JAK1: variants seen among roughly 807,000 people sequenced by gnomAD.
JAK1 encodes tyrosine-protein kinase JAK1.
Under a neutral mutation model 136.6 loss-of-function variants are expected in JAK1, and 16 were observed. That is an observed-to-expected ratio of 0.12 (90% CI 0.08 to 0.18). JAK1 has a LOEUF of 0.18. JAK1 is among the 10% of genes least tolerant of loss of function. The pLI, the probability that JAK1 is intolerant of heterozygous loss-of-function variation, is 1.00. For missense variants in JAK1, 859 were observed against 1,450.1 expected (o/e 0.59, Z 6.62); for synonymous variants, 492 against 519.5 (o/e 0.95, Z 0.72).
At chr1:64,927,716 T>C (rs1447289884) in intron 1 of JAK1, among the ~76,000 whole-genome samples, 1 of 152,180 alleles carries the variant, frequency 6.6e-6, no homozygotes, top group Non-Finnish European at 1.5e-5. Context: ...TTCTCTCTAT[T>C]TGGTCAACGA....
intron 2 of JAK1, among the ~76,000 whole-genome samples, chr1:65,032,711 T>C (rs1419601690): frequency 6.6e-6 from 1 of 152,226 alleles, no homozygotes; most frequent in Non-Finnish European, 1.5e-5. Flanking sequence ...AATTAGAAAC[T>C]ACATATGGCC....
At chr1:64,911,434 T>G (rs1467745203) in intron 1 of JAK1, among the ~76,000 whole-genome samples, 3 of 152,242 alleles carry the variant, frequency 2.0e-5, no homozygotes, top group Non-Finnish European at 4.4e-5. Flanking sequence ...TTTACATTCC[T>G]ATCACATACA....
At chr1:64,859,917 C>A in intron 9 of JAK1, 188 bp downstream of exon 9, 1 of 425,076 alleles carries the variant, frequency 2.4e-6, no homozygotes, top group Non-Finnish European at 4.2e-6. Context: ...GGGGCTGCTG[C>A]AAAGAGGATG....
chr1:64,981,062 G>C (rs543090540), intron 2 of JAK1, among the ~76,000 whole-genome samples: 1 of 152,180 alleles, frequency 6.6e-6, no homozygotes, highest in East Asian at 1.9e-4. Flanking sequence ...TCCAAGCCTA[G>C]ATGCTTCTAT....
At chr1:64,883,527 C>T (rs760416877) in intron 2 of JAK1, 52 bp from the exon 3 acceptor site, 3 of 1,505,742 alleles carry the variant, frequency 2.0e-6, no homozygotes, top group African/African-American at 1.4e-5. Flanking sequence ...GCTAAAAGTT[C>T]TTATGGCAAA....
At position 64,928,547 on chromosome 1, in the gene JAK1, G is replaced by T. The variant is rs146209589; in HGVS notation, c.-78+37786C>A. Among the ~76,000 whole-genome samples, 9 of 152,058 alleles carry T rather than the reference G, an allele frequency of 5.9e-5. No individual in the cohort carries two copies. In the East Asian group the frequency reaches 1.7e-3, roughly 29 times the overall value. ...GCACACAGCTTCCTGCCCCCTCCAG[G>T]AGTCCTAACTGCTCAGCAGAGAAAA... On this transcript the variant is annotated intron_variant, in intron 1 of 24. Coordinates refer to ENST00000342505, the MANE Select transcript of JAK1 (RefSeq NM_002227.4).
chr1:64,855,502 G>A lies in JAK1; in HGVS notation c.1648+7C>T. 1 of 1,613,358 alleles carries A rather than the reference G, an allele frequency of 6.2e-7. No homozygotes were observed. The highest frequency in any genetic ancestry group is 1.7e-5 in the Admixed American group (1 of 59,984). On this transcript the variant is annotated splice_region_variant and intron_variant, in intron 11 of 24. Transcript: ENST00000342505. ...ATACAGCCTGGCTCTGGCACAGGGA[G>A]ACGAACCTCGGGGCTTGGGCTGGCA... is the stretch of plus-strand genomic sequence containing the variant.
intron 12 of JAK1, among the ~76,000 whole-genome samples, chr1:64,849,205 T>C (rs1019556981): frequency 1.4e-4 from 21 of 151,104 alleles, no homozygotes; most frequent in East Asian, 5.8e-4. Flanking sequence ...TTTTTTTTTT[T>C]CCCCAGACAG....
At chr1:64,985,879 C>A in intron 2 of JAK1, 3 of 641,432 alleles carry the variant, frequency 4.7e-6, no homozygotes, top group Non-Finnish European at 8.4e-6. Flanking sequence ...ATCATACAAC[C>A]AATGGAGAAT....
chr1:64,949,961 A>G (rs889031924), intron 1 of JAK1, among the ~76,000 whole-genome samples: 3 of 152,384 alleles, frequency 2.0e-5, no homozygotes, highest in Middle Eastern at 3.4e-3. Flanking sequence ...AATGATTATT[A>G]CAAAGACTCT....
At chr1:64,991,044 A>G (rs1646652698) in intron 2 of JAK1, among the ~76,000 whole-genome samples, 1 of 152,110 alleles carries the variant, frequency 6.6e-6, no homozygotes, top group African/African-American at 2.4e-5. Flanking sequence ...GCTCTTAAAT[A>G]TGCTCAAAGA....
At chr1:64,976,678 G>A (rs1039757739) in intron 2 of JAK1, among the ~76,000 whole-genome samples, 8 of 152,172 alleles carry the variant, frequency 5.3e-5, no homozygotes, top group Non-Finnish European at 8.8e-5. Context: ...AGTGAATAGC[G>A]TGTTCTTTGG....
In JAK1 at chr1:64,875,506, T is replaced by C. The variant is rs147678912; in HGVS notation, c.330-1983A>G. Among the ~76,000 whole-genome samples, 60 of 152,288 alleles carry C rather than the reference T, an allele frequency of 3.9e-4. 1 individual carries two copies. Among genetic ancestry groups the C allele is most frequent in the African/African-American group, 1.4e-3 (58 of 41,564 alleles). On this transcript the variant is annotated intron_variant, in intron 4 of 24. Coordinates refer to ENST00000342505, the MANE Select transcript of JAK1 (RefSeq NM_002227.4). ...TGGTACCTAACAGCTACTGAACACATGCTTGATAGATAAACAAAAGATGAA... is the reference window on the plus strand; with the variant it reads ...TGGTACCTAACAGCTACTGAACACACGCTTGATAGATAAACAAAAGATGAA...
chr1:64,853,873 T>C (rs1655755717), intron 11 of JAK1, among the ~76,000 whole-genome samples: 1 of 151,954 alleles, frequency 6.6e-6, no homozygotes, highest in African/African-American at 2.4e-5. Flanking sequence ...GTCTTAAGAG[T>C]TCACAGTCAG....
chr1:64,944,880 T>TA (rs935630243), intron 1 of JAK1, among the ~76,000 whole-genome samples: 1 of 151,598 alleles, frequency 6.6e-6, no homozygotes, highest in South Asian at 2.1e-4. Flanking sequence ...GTTATGAAAT[T>TA]AAAAAAACAG....
chr1:65,007,444 G>T (rs1166125213), intron 2 of JAK1, among the ~76,000 whole-genome samples: 1 of 152,002 alleles, frequency 6.6e-6, no homozygotes, highest in Non-Finnish European at 1.5e-5. Flanking sequence ...TTCTTTCTTT[G>T]TTGTTTTTTG....
At position 64,886,206 on chromosome 1, in the gene JAK1, A is replaced by G. The variant is rs369954113; in HGVS notation, c.6+53T>C. 3.2e-6 allele frequency: 4 copies of G among 1,241,200 alleles called. No homozygotes were observed. The African/African-American group carries it at 4.5e-5, about 14-fold the overall frequency. The allele number at this position is 1,241,200 out of a possible 1,614,324, so 76.9% of individuals were successfully genotyped here. A position where few individuals can be genotyped will look rare whatever the true frequency, so the allele number is the denominator to read the frequency against. ...CAGCCTCAAGAACACGGTTTCATCA[A>G]TTTTTTTAAAGCCAGATATTTTCCT... On this transcript the variant is annotated intron_variant, in intron 2 of 24. Coordinates refer to ENST00000342505, the MANE Select transcript of JAK1 (RefSeq NM_002227.4).
intron 1 of JAK1, among the ~76,000 whole-genome samples, chr1:64,928,266 T>C (rs1201569917): frequency 6.6e-6 from 1 of 152,198 alleles, no homozygotes; most frequent in Non-Finnish European, 1.5e-5. Context: ...TATTGGCCTC[T>C]AGTACTTGTC....
At chr1:65,043,698 T>A (rs1413338738) in intron 2 of JAK1, among the ~76,000 whole-genome samples, 5 of 127,692 alleles carry the variant, frequency 3.9e-5, no homozygotes, top group Non-Finnish European at 6.4e-5. Context: ...CACACCTGGC[T>A]AATTTTTTTT....
Sources: allele counts gnomAD v4.1 joint callset (sites outside exome capture counted in the v4.1 genomes callset), GRCh38; gene constraint gnomAD v4.1.1; transcripts MANE v1.5; gene names NCBI Gene and HGNC (gene_info 2026-07-23, HGNC 2026-07-21).